Variants in ROBO1 observed in about 807,000 individuals in gnomAD.
ROBO1 encodes the protein roundabout guidance receptor 1.
ROBO1 carries 149 observed loss-of-function variants against 195.9 expected under a neutral mutation model. The observed-to-expected ratio is 0.76, with a 90% CI of 0.67 to 0.87. The LOEUF (loss-of-function observed/expected upper bound fraction) is 0.87, where lower values mean the gene tolerates loss of function less well. Among genes scored for constraint, ROBO1 ranks in the 40% least tolerant of loss-of-function variants. The probability of loss-of-function intolerance (pLI) is 0.00; values close to 1 mark genes in which losing one functional copy is unlikely to be tolerated. For missense variants in ROBO1, 1,933 were observed against 2,068.3 expected (o/e 0.93, Z 1.27); for synonymous variants, 816 against 733.2 (o/e 1.11, Z -1.82).
intron 3 of ROBO1, among the ~76,000 whole-genome samples, chr3:79,118,879 A>C (rs1397735336): frequency 2.0e-5 from 3 of 151,990 alleles, no homozygotes; most frequent in Admixed American, 2.0e-4. Flanking sequence ...AAAAAAAAAA[A>C]AATTTGAAGC....
chr3:79,417,688 C>T (rs753464465), intron 2 of ROBO1, among the ~76,000 whole-genome samples: 4 of 152,134 alleles, frequency 2.6e-5, no homozygotes, highest in Non-Finnish European at 5.9e-5. Flanking sequence ...CTTTAATCAA[C>T]ATCACTGTCG....
intron 3 of ROBO1, among the ~76,000 whole-genome samples, chr3:78,962,693 C>T (rs2041426878): frequency 6.6e-6 from 1 of 151,546 alleles, no homozygotes; most frequent in African/African-American, 2.4e-5. Flanking sequence ...GGCGTGGTGG[C>T]GGCGCCTGTA....
chr3:79,686,399 GGTATTC>G (rs1404436221), intron 1 of ROBO1, among the ~76,000 whole-genome samples: 7 of 152,022 alleles, frequency 4.6e-5, no homozygotes, highest in Non-Finnish European at 8.8e-5. Flanking sequence ...GGAAATAAAG[GGTATTC>G]AATTAGGAAA....
At chr3:79,319,106 C>T (rs2033865959) in intron 2 of ROBO1, among the ~76,000 whole-genome samples, 1 of 152,240 alleles carries the variant, frequency 6.6e-6, no homozygotes, top group African/African-American at 2.4e-5. Flanking sequence ...ATTAATTTCT[C>T]ATCCCTCACT....
intron 2 of ROBO1, among the ~76,000 whole-genome samples, chr3:79,353,553 C>T (rs1245461754): frequency 6.6e-6 from 1 of 152,048 alleles, no homozygotes; most frequent in African/African-American, 2.4e-5. Flanking sequence ...TATGCAATGG[C>T]TTTTACTTGT....
At chr3:78,791,830 A>G (rs1010670418) in intron 4 of ROBO1, among the ~76,000 whole-genome samples, 1 of 152,200 alleles carries the variant, frequency 6.6e-6, no homozygotes, top group Non-Finnish European at 1.5e-5. Context: ...AATTATGATA[A>G]TCATCGATAT....
chr3:79,243,142 G>A (rs2082554116), intron 2 of ROBO1, among the ~76,000 whole-genome samples: 1 of 151,780 alleles, frequency 6.6e-6, no homozygotes, highest in African/African-American at 2.4e-5. Context: ...CTTCATCCAT[G>A]TCCCTACAAA....
intron 2 of ROBO1, among the ~76,000 whole-genome samples, chr3:79,395,183 C>A (rs1368944393): frequency 1.3e-5 from 2 of 151,482 alleles, no homozygotes; most frequent in Non-Finnish European, 2.9e-5. Context: ...ATTCTCCGGG[C>A]GTGGTGGCGG....
At chr3:78,771,770 G>A (rs2083381655) in intron 4 of ROBO1, among the ~76,000 whole-genome samples, 1 of 152,088 alleles carries the variant, frequency 6.6e-6, no homozygotes, top group Admixed American at 6.6e-5. Flanking sequence ...TCATTTATCA[G>A]TTCCAGGAGT....
intron 2 of ROBO1, among the ~76,000 whole-genome samples, chr3:79,552,689 C>T (rs1215599677): frequency 1.3e-5 from 2 of 152,018 alleles, no homozygotes; most frequent in African/African-American, 4.8e-5. Context: ...CAATTATTAG[C>T]CTGGCATTGG....
At chr3:78,772,593 A>C (rs1038020517) in intron 4 of ROBO1, among the ~76,000 whole-genome samples, 1 of 152,080 alleles carries the variant, frequency 6.6e-6, no homozygotes, top group East Asian at 1.9e-4. Context: ...TCTTTTTACA[A>C]AACAGAAAAT....
At chr3:78,807,797 C>T (rs2084594198) in intron 4 of ROBO1, among the ~76,000 whole-genome samples, 1 of 152,156 alleles carries the variant, frequency 6.6e-6, no homozygotes, top group Non-Finnish European at 1.5e-5. Context: ...AAGACTGAAG[C>T]TCTCAAGGGA....
At chr3:79,404,489 C>T (rs1225795434) in intron 2 of ROBO1, among the ~76,000 whole-genome samples, 1 of 152,098 alleles carries the variant, frequency 6.6e-6, no homozygotes, top group Non-Finnish European at 1.5e-5. Flanking sequence ...CTATAAAGTT[C>T]TTATCTGTCA....
At chr3:78,668,351 G>A (rs1415860149) in intron 12 of ROBO1, 49 bp from the exon 13 acceptor site, 1 of 1,604,228 alleles carries the variant, frequency 6.2e-7, no homozygotes, top group Non-Finnish European at 8.5e-7. Flanking sequence ...CACATACACA[G>A]ATAAGCGGAT....
intron 3 of ROBO1, among the ~76,000 whole-genome samples, chr3:78,968,976 T>C (rs1209854604): frequency 1.3e-5 from 2 of 152,192 alleles, no homozygotes; most frequent in Non-Finnish European, 2.9e-5. Context: ...AATAGTTAAG[T>C]ACTTTGTCTG....
intron 23 of ROBO1, among the ~76,000 whole-genome samples, chr3:78,635,545 T>G (rs977312763): frequency 7.2e-5 from 11 of 152,144 alleles, no homozygotes; most frequent in Admixed American, 3.9e-4. Context: ...TAAATTAATC[T>G]CAAAACCATT....
chr3:79,586,593 T>C (rs890808878), intron 2 of ROBO1, among the ~76,000 whole-genome samples: 4 of 151,944 alleles, frequency 2.6e-5, no homozygotes, highest in African/African-American at 9.7e-5. Flanking sequence ...CCTTGTGGGT[T>C]TTTCTTCATG....
chr3:79,543,660 A>C (rs528302526), intron 2 of ROBO1, among the ~76,000 whole-genome samples: 1 of 152,136 alleles, frequency 6.6e-6, no homozygotes, highest in East Asian at 1.9e-4. Flanking sequence ...GCATACATAC[A>C]TTTTTTTCCT....
At chr3:78,781,412 A>C (rs1231342578) in intron 4 of ROBO1, among the ~76,000 whole-genome samples, 1 of 152,178 alleles carries the variant, frequency 6.6e-6, no homozygotes, top group Non-Finnish European at 1.5e-5. Context: ...TGGGTATATA[A>C]AAGCTTCAGA....
Sources: allele counts gnomAD v4.1 joint callset (sites outside exome capture counted in the v4.1 genomes callset), GRCh38; gene constraint gnomAD v4.1.1; transcripts MANE v1.5; gene names NCBI Gene and HGNC (gene_info 2026-07-23, HGNC 2026-07-21).